The following TTLL5 variants were observed in gnomAD, a reference collection of about 807,000 sequenced individuals.
The protein encoded by TTLL5 is tubulin polyglutamylase TTLL5.
In TTLL5, 132 loss-of-function variants were observed where a neutral mutation model predicts 168.4. The observed-to-expected ratio is 0.78, with a 90% CI of 0.68 to 0.91. The LOEUF is 0.91. TTLL5 is among the 40% of genes least tolerant of loss of function. The pLI is 0.00. For synonymous variants in TTLL5, 546 were observed against 558.6 expected, an observed-to-expected ratio of 0.98 and a Z score of 0.32; for missense variants, 1,545 against 1,581.5, an observed-to-expected ratio of 0.98 and a Z score of 0.39.
chr14:75,842,437 C>CT (rs1250973393), intron 28 of TTLL5, among the ~76,000 whole-genome samples: 3 of 152,028 alleles, frequency 2.0e-5, no homozygotes, highest in African/African-American at 7.2e-5. Flanking sequence ...TCCGTGGGCT[C>CT]TTTATTTTCT....
chr14:75,748,640 T>G (rs1889757860), intron 17 of TTLL5, among the ~76,000 whole-genome samples: 1 of 152,252 alleles, frequency 6.6e-6, no homozygotes, highest in Admixed American at 6.5e-5. Context: ...TTAAGACATG[T>G]GAATGTTAAG....
At chr14:75,929,068 AT>A (rs1334695538) in intron 31 of TTLL5, among the ~76,000 whole-genome samples, 1 of 129,186 alleles carries the variant, frequency 7.7e-6, no homozygotes, top group Non-Finnish European at 1.5e-5. Flanking sequence ...TCATCTTGTC[AT>A]TGTACACAAG....
intron 15 of TTLL5, among the ~76,000 whole-genome samples, chr14:75,743,867 C>T (rs1329089420): frequency 6.6e-6 from 1 of 152,104 alleles, no homozygotes; most frequent in African/African-American, 2.4e-5. Flanking sequence ...AGGCATGAGC[C>T]ACCGTGCCCA....
chr14:75,859,653 T>C (rs577389170), intron 28 of TTLL5, among the ~76,000 whole-genome samples: 1 of 152,306 alleles, frequency 6.6e-6, no homozygotes, highest in South Asian at 2.1e-4. Context: ...CCTCAAAATT[T>C]TTGGTAGGAG....
chr14:75,752,985 A>T (rs932013362), intron 18 of TTLL5, 30 bp downstream of exon 18: 44 of 1,590,946 alleles, frequency 2.8e-5, no homozygotes, highest in Non-Finnish European at 3.7e-5. Flanking sequence ...TAAATTTAGG[A>T]CTAGATCACA....
chr14:75,665,623 C>A (rs1883198039), intron 2 of TTLL5, among the ~76,000 whole-genome samples: 1 of 152,158 alleles, frequency 6.6e-6, no homozygotes, highest in African/African-American at 2.4e-5. Context: ...CTTTGGGAGG[C>A]CGAGGTGGGC....
At chr14:75,703,120 T>G (rs1886400638) in intron 7 of TTLL5, among the ~76,000 whole-genome samples, 2 of 152,162 alleles carry the variant, frequency 1.3e-5, no homozygotes, top group South Asian at 4.1e-4. Flanking sequence ...GCTTTCCTTT[T>G]AGATTTAAGC....
At chr14:75,820,205 T>C (rs1477738624) in intron 28 of TTLL5, 44 bp downstream of exon 28, 4 of 1,522,196 alleles carry the variant, frequency 2.6e-6, no homozygotes, top group South Asian at 2.6e-5. Context: ...TACTCAGGGA[T>C]GGCCTGTGTC....
intron 30 of TTLL5, among the ~76,000 whole-genome samples, chr14:75,892,122 C>G (rs1236631682): frequency 6.6e-6 from 1 of 152,162 alleles, no homozygotes; most frequent in Non-Finnish European, 1.5e-5. Flanking sequence ...CAATTGAAGA[C>G]AAAGGCTCAG....
rs150164987 is a variant in TTLL5, at chr14:75,764,036, G to A, written c.1551-579G>A. Among the ~76,000 whole-genome samples the A allele has an allele frequency of 4.1e-3, 625 of 152,192 alleles. 3 individuals carry two copies. The highest frequency in any genetic ancestry group is 0.015 in the East Asian group (75 of 5,170). On this transcript the variant is annotated intron_variant, in intron 18 of 31. Coordinates refer to ENST00000298832, the MANE Select transcript of TTLL5 (RefSeq NM_015072.5). ...CTCATGTTGGGATGCTTGAGACTTG[G>A]TGAGTCCCTAGGGCTTGGTGACTTT...
chr14:75,667,875 C>T lies in TTLL5; in HGVS notation c.75-1541C>T, dbSNP rs558445446. 5.9e-4 allele frequency among the ~76,000 whole-genome samples: 88 copies of T among 150,022 alleles called. 1 individual carries two copies. Among genetic ancestry groups the T allele is most frequent in the Admixed American group, 1.6e-3 (23 of 14,808 alleles). On this transcript the variant is annotated intron_variant, in intron 2 of 31. Transcript: ENST00000298832. ...TCCCAGGTTCAACTGATTCTTCTGC[C>T]TCAGCCTCCCGAGTAGCTGGGACTA...
intron 13 of TTLL5, among the ~76,000 whole-genome samples, chr14:75,733,404 T>G (rs1216315661): frequency 6.6e-6 from 1 of 152,148 alleles, no homozygotes; most frequent in African/African-American, 2.4e-5. Context: ...ATGTTGTTTT[T>G]GTTTTCATGT....
chr14:75,873,097 G>T (rs552516452), intron 29 of TTLL5, among the ~76,000 whole-genome samples: 47 of 146,950 alleles, frequency 3.2e-4, no homozygotes, highest in East Asian at 8.1e-4. Flanking sequence ...TTTTTGAGAC[G>T]GAGTCTCGCT....
chr14:75,889,409 T>G (rs959395663), intron 30 of TTLL5, among the ~76,000 whole-genome samples: 5 of 152,162 alleles, frequency 3.3e-5, no homozygotes, highest in Non-Finnish European at 7.4e-5. Context: ...AATAGATACA[T>G]AACTTTGTGC....
At chr14:75,811,173 G>GTGTGTGTGTGTGTGTGTGTGTA (rs1566614313) in intron 27 of TTLL5, among the ~76,000 whole-genome samples, 1 of 147,506 alleles carries the variant, frequency 6.8e-6, no homozygotes, top group Admixed American at 6.8e-5. Context: ...GTGTGTGTGT[G>GTGTGTGTGTGTGTGTGTGTGTA]TGTGTGTGTG....
At chr14:75,946,377 G>A (rs975079026) in intron 31 of TTLL5, among the ~76,000 whole-genome samples, 12 of 152,108 alleles carry the variant, frequency 7.9e-5, no homozygotes, top group African/African-American at 2.9e-4. Context: ...TAAAAAAATA[G>A]AAAACTTCCA....
intron 26 of TTLL5, among the ~76,000 whole-genome samples, chr14:75,790,074 G>A (rs1180809692): frequency 2.0e-5 from 3 of 152,196 alleles, no homozygotes. Context: ...GTATGACAGA[G>A]ATGGCATTGT....
chr14:75,863,561 T>C (rs1025763540), intron 28 of TTLL5, 106 bp from the exon 29 acceptor site: 24 of 1,085,730 alleles, frequency 2.2e-5, no homozygotes, highest in Non-Finnish European at 2.9e-5. Flanking sequence ...AATTCCAAAC[T>C]GTGCTTGGTT....
intron 22 of TTLL5, among the ~76,000 whole-genome samples, 159 bp downstream of exon 22, chr14:75,775,789 C>G (rs1264526591): frequency 6.6e-6 from 1 of 152,170 alleles, no homozygotes; most frequent in Non-Finnish European, 1.5e-5. Context: ...GGACCCCACA[C>G]CTTAACTCAG....
Sources: allele counts gnomAD v4.1 joint callset (sites outside exome capture counted in the v4.1 genomes callset), GRCh38; gene constraint gnomAD v4.1.1; transcripts MANE v1.5; gene names NCBI Gene and HGNC (gene_info 2026-07-23, HGNC 2026-07-21).